The following PTPN9 variants were observed in gnomAD, a reference collection of about 807,000 sequenced individuals.
PTPN9 encodes tyrosine-protein phosphatase non-receptor type 9.
Under a neutral mutation model 69.8 loss-of-function variants are expected in PTPN9, and 26 were observed. That is an observed-to-expected ratio of 0.37 (90% CI 0.27 to 0.52). The LOEUF (loss-of-function observed/expected upper bound fraction) is 0.52. PTPN9 is among the 20% of genes least tolerant of loss of function. The probability of loss-of-function intolerance (pLI) is 0.91; values close to 1 mark genes in which losing one functional copy is unlikely to be tolerated. For missense variants in PTPN9, 549 were observed against 740.3 expected (o/e 0.74, Z 3.00); for synonymous variants, 274 against 272.5 (o/e 1.01, Z -0.05).
chr15:75,577,080 C>A (rs2075177230), intron 1 of PTPN9, among the ~76,000 whole-genome samples: 1 of 152,100 alleles, frequency 6.6e-6, no homozygotes, highest in African/African-American at 2.4e-5. Flanking sequence ...CCATCACATT[C>A]AATTCAGGGT....
At chr15:75,554,200 ATTT>A (rs916543343) in intron 1 of PTPN9, among the ~76,000 whole-genome samples, 1 of 145,208 alleles carries the variant, frequency 6.9e-6, no homozygotes, top group Non-Finnish European at 1.5e-5. Context: ...AGAAAAAAAA[ATTT>A]TTTTTTTTGA....
At chr15:75,514,030 C>T (rs1157828198) in intron 5 of PTPN9, among the ~76,000 whole-genome samples, 3 of 145,372 alleles carry the variant, frequency 2.1e-5, no homozygotes, top group African/African-American at 5.2e-5. Flanking sequence ...ACCTGGGAGG[C>T]GGAGGTTGCA....
At chr15:75,539,753 C>A (rs968295156) in intron 1 of PTPN9, among the ~76,000 whole-genome samples, 2 of 151,726 alleles carry the variant, frequency 1.3e-5, no homozygotes, top group African/African-American at 4.8e-5. Context: ...CTCACTGCAA[C>A]CTTGGCCTCC....
At chr15:75,534,557 C>A (rs1438729077) in intron 1 of PTPN9, among the ~76,000 whole-genome samples, 1 of 151,822 alleles carries the variant, frequency 6.6e-6, no homozygotes, top group Admixed American at 6.6e-5. Context: ...TGCCTGTGGT[C>A]CCAGCTACTC....
intron 1 of PTPN9, among the ~76,000 whole-genome samples, chr15:75,528,035 TA>T (rs2074938785): frequency 6.6e-6 from 1 of 152,142 alleles, no homozygotes; most frequent in African/African-American, 2.4e-5. Flanking sequence ...TTGAGGCCAG[TA>T]AAATTATTAA....
Position 75,465,850 on chromosome 15 carries a change from C to T in PTPN9, c.*2919G>A, listed in dbSNP as rs750092816. Reference sequence around the variant, plus strand: ...CAAATAAATGACAATTTAAAGTTACCTCCTCCAGGCCGTTTATCATTAATC... The same window carrying T: ...CAAATAAATGACAATTTAAAGTTACTTCCTCCAGGCCGTTTATCATTAATC... On this transcript the variant is annotated 3_prime_UTR_variant, in exon 13 of 13. Coordinates refer to ENST00000618819, the MANE Select transcript of PTPN9 (RefSeq NM_002833.4). 1 of 152,176 alleles carries T rather than the reference C, an allele frequency of 6.6e-6. No homozygotes were observed. The highest frequency in any genetic ancestry group is 1.5e-5 in the Non-Finnish European group (1 of 68,034). 9.4% of individuals were successfully genotyped at this position (152,176 alleles called of 1,614,324 possible).
At chr15:75,482,216 G>C (rs1403390289) in intron 8 of PTPN9, among the ~76,000 whole-genome samples, 1 of 151,950 alleles carries the variant, frequency 6.6e-6, no homozygotes, top group African/African-American at 2.4e-5. Flanking sequence ...AATGGATTAA[G>C]GGCGGTGCAA....
At chr15:75,537,443 T>A (rs1368379608) in intron 1 of PTPN9, among the ~76,000 whole-genome samples, 259 of 20,246 alleles carry the variant, frequency 0.013, 2 homozygotes, top group African/African-American at 0.034. Flanking sequence ...ATATCTTCCC[T>A]AAAAAAAAAA....
At chr15:75,541,963 G>A (rs894284825) in intron 1 of PTPN9, among the ~76,000 whole-genome samples, 1 of 151,944 alleles carries the variant, frequency 6.6e-6, no homozygotes, top group Non-Finnish European at 1.5e-5. Context: ...CCTGAACCTA[G>A]GAGGCAGAGG....
At chr15:75,578,631 A>T in intron 1 of PTPN9, 83 bp downstream of exon 1, 1 of 1,125,064 alleles carries the variant, frequency 8.9e-7, no homozygotes, top group Non-Finnish European at 1.1e-6. Flanking sequence ...GTGGCTGCAA[A>T]GAGCCGGCAC....
chr15:75,542,375 G>T (rs2075013053), intron 1 of PTPN9, among the ~76,000 whole-genome samples: 1 of 152,138 alleles, frequency 6.6e-6, no homozygotes. Flanking sequence ...TCTGCCTAAT[G>T]AAACCAAATA....
chr15:75,537,060 A>G (rs1051499914), intron 1 of PTPN9, among the ~76,000 whole-genome samples: 5 of 152,126 alleles, frequency 3.3e-5, no homozygotes, highest in African/African-American at 1.2e-4. Context: ...TAGAAATACT[A>G]GTGATTGCAG....
intron 7 of PTPN9, among the ~76,000 whole-genome samples, chr15:75,504,836 C>A (rs1444432476): frequency 8.0e-6 from 1 of 125,624 alleles, no homozygotes; most frequent in Non-Finnish European, 1.6e-5. Flanking sequence ...CCGCCCCGTC[C>A]GGGAGGGAGG....
At chr15:75,504,809 G>T in intron 7 of PTPN9, among the ~76,000 whole-genome samples, 1 of 138,892 alleles carries the variant, frequency 7.2e-6, no homozygotes, top group Non-Finnish European at 1.5e-5. Flanking sequence ...GGGGGGGTCA[G>T]CCCCCCGCCT....
intron 1 of PTPN9, among the ~76,000 whole-genome samples, chr15:75,573,984 C>T (rs886754359): frequency 1.3e-5 from 2 of 152,140 alleles, no homozygotes; most frequent in African/African-American, 4.8e-5. Flanking sequence ...AGGAAAGCAG[C>T]TCCTGCAAAG....
chr15:75,540,494 A>T (rs2075003343), intron 1 of PTPN9, among the ~76,000 whole-genome samples: 1 of 149,826 alleles, frequency 6.7e-6, no homozygotes, highest in Admixed American at 6.7e-5. Context: ...TGGAGGTTGC[A>T]GTGAGCTGAG....
chr15:75,568,525 C>CA (rs2075135922), intron 1 of PTPN9, among the ~76,000 whole-genome samples: 1 of 133,880 alleles, frequency 7.5e-6, no homozygotes. Flanking sequence ...AAAAAAAAAA[C>CA]AAAACAAAAA....
At chr15:75,553,519 T>C (rs2075064293) in intron 1 of PTPN9, among the ~76,000 whole-genome samples, 1 of 152,118 alleles carries the variant, frequency 6.6e-6, no homozygotes, top group Non-Finnish European at 1.5e-5. Context: ...CCTGGCTCTA[T>C]ATTCCCTCCA....
intron 1 of PTPN9, among the ~76,000 whole-genome samples, chr15:75,570,539 G>A (rs1045068072): frequency 5.3e-5 from 8 of 152,152 alleles, no homozygotes; most frequent in African/African-American, 1.7e-4. Context: ...GGAGGCCGAG[G>A]CAGGAGGATT....
Sources: gnomAD v4.1 joint callset for allele counts (sites outside exome capture counted in the v4.1 genomes callset) on GRCh38, gnomAD v4.1.1 for gene constraint, MANE v1.5 for transcripts, NCBI Gene and HGNC (gene_info 2026-07-23, HGNC 2026-07-21) for gene names.